The following FRK variants were observed in gnomAD, a reference collection of about 807,000 sequenced individuals.
FRK encodes fyn related Src family tyrosine kinase.
Under a neutral mutation model 56.4 loss-of-function variants are expected in FRK, and 51 were observed. That is an observed-to-expected ratio of 0.90 (90% CI 0.72 to 1.14). The LOEUF is 1.14. FRK is among the 50% of genes most tolerant of loss of function. FRK has a pLI of 0.00. For synonymous variants in FRK, 245 were observed against 217.9 expected, an observed-to-expected ratio of 1.12 and a Z score of -1.10; for missense variants, 570 against 601.4, an observed-to-expected ratio of 0.95 and a Z score of 0.55.
At chr6:116,049,656 T>G (rs975976893) in intron 1 of FRK, among the ~76,000 whole-genome samples, 1 of 152,202 alleles carries the variant, frequency 6.6e-6, no homozygotes, top group African/African-American at 2.4e-5. Flanking sequence ...TTACTTAAAC[T>G]CTTTCAGCTT....
chr6:116,018,148 G>A (rs1775720973), intron 1 of FRK, among the ~76,000 whole-genome samples: 1 of 152,082 alleles, frequency 6.6e-6, no homozygotes, highest in Non-Finnish European at 1.5e-5. Flanking sequence ...CTTTCTCTGT[G>A]CCAGGGATTT....
intron 5 of FRK, among the ~76,000 whole-genome samples, chr6:115,945,815 C>T (rs1772422511): frequency 6.6e-6 from 1 of 152,042 alleles, no homozygotes; most frequent in Non-Finnish European, 1.5e-5. Context: ...CATGCACATA[C>T]CTTCAATAGG....
intron 1 of FRK, among the ~76,000 whole-genome samples, chr6:116,054,405 T>C (rs946875848): frequency 6.2e-5 from 9 of 146,158 alleles, no homozygotes; most frequent in African/African-American, 2.0e-4. Flanking sequence ...GTGTATTTTT[T>C]ATAAATATAG....
chr6:116,029,799 C>G (rs1776233074), intron 1 of FRK, among the ~76,000 whole-genome samples: 1 of 152,052 alleles, frequency 6.6e-6, no homozygotes, highest in Non-Finnish European at 1.5e-5. Flanking sequence ...ATCAGTCACC[C>G]CTTTTCCATC....
chr6:116,079,224 T>A, the FRK span, among the ~76,000 whole-genome samples: 1 of 152,122 alleles, frequency 6.6e-6, no homozygotes. Context: ...CATCTTTGCC[T>A]GACTTGAATT....
At chr6:115,977,899 G>T (rs926906549) in intron 2 of FRK, among the ~76,000 whole-genome samples, 2 of 151,954 alleles carry the variant, frequency 1.3e-5, no homozygotes, top group Non-Finnish European at 2.9e-5. Flanking sequence ...TTATATATCC[G>T]GTATGTAAAG....
At position 116,005,250 on chromosome 6, in the gene FRK, T is replaced by A. The variant is rs1473192140; in HGVS notation, c.345-1252A>T. 2.4e-4 allele frequency among the ~76,000 whole-genome samples: 36 copies of A among 152,140 alleles called. 1 individual carries two copies. The highest frequency in any genetic ancestry group is 2.9e-5 in the Non-Finnish European group (2 of 68,034). ...CAGGATATGCCAGGTCATCTTGGAG[T>A]AATGAACAACTCCAAAAATCTCAGT... On this transcript the variant is annotated intron_variant, in intron 1 of 7. Transcript: ENST00000606080.
intron 1 of FRK, among the ~76,000 whole-genome samples, chr6:116,053,341 T>C (rs1180227123): frequency 2.0e-5 from 3 of 152,164 alleles, no homozygotes; most frequent in Admixed American, 6.5e-5. Context: ...CAAGAATTAA[T>C]TGAGGCAAAG....
At chr6:116,098,417 C>T in the FRK span, among the ~76,000 whole-genome samples, 5 of 152,098 alleles carry the variant, frequency 3.3e-5, no homozygotes, top group Admixed American at 1.3e-4. Flanking sequence ...GGCAGACAGC[C>T]GTGGTTTTGT....
chr6:115,960,142 T>C (rs1773277158), intron 4 of FRK, among the ~76,000 whole-genome samples: 1 of 151,512 alleles, frequency 6.6e-6, no homozygotes, highest in Admixed American at 6.6e-5. Flanking sequence ...ACCGGGTTCA[T>C]CTCACTAGGG....
At chr6:116,002,620 T>A in intron 2 of FRK, 1 of 431,362 alleles carries the variant, frequency 2.3e-6, no homozygotes. Context: ...AACAAAAAAA[T>A]GGTAATTGAC....
At chr6:116,032,861 C>A (rs981954133) in intron 1 of FRK, among the ~76,000 whole-genome samples, 23 of 151,824 alleles carry the variant, frequency 1.5e-4, no homozygotes, top group Admixed American at 1.5e-3. Context: ...TAAAAAAATT[C>A]TTCTTTGCAG....
At chr6:116,006,377 T>C (rs1354151508) in intron 1 of FRK, among the ~76,000 whole-genome samples, 1 of 152,180 alleles carries the variant, frequency 6.6e-6, no homozygotes, top group Non-Finnish European at 1.5e-5. Flanking sequence ...AATGCTAACA[T>C]TATTAGGTAT....
intron 1 of FRK, among the ~76,000 whole-genome samples, chr6:116,025,113 G>T (rs540668642): frequency 2.0e-5 from 3 of 152,100 alleles, no homozygotes; most frequent in Non-Finnish European, 2.9e-5. Flanking sequence ...GCAAAGAATA[G>T]AAAGAATTGC....
At chr6:115,968,787 G>A in intron 2 of FRK, 48 bp from the exon 3 acceptor site, 2 of 1,538,316 alleles carry the variant, frequency 1.3e-6, no homozygotes, top group Non-Finnish European at 1.8e-6. Context: ...CTAAAACCAA[G>A]CAGATTTATT....
At chr6:116,068,115 G>C in the FRK span, among the ~76,000 whole-genome samples, 1 of 152,068 alleles carries the variant, frequency 6.6e-6, no homozygotes, top group Admixed American at 6.5e-5. Flanking sequence ...TGACACTAGG[G>C]GAAATGACAA....
the FRK span, among the ~76,000 whole-genome samples, chr6:116,093,693 C>T: frequency 6.6e-6 from 1 of 152,056 alleles, no homozygotes; most frequent in East Asian, 1.9e-4. Context: ...TCTAGAAGGA[C>T]TAAGGAGAAT....
At chr6:116,088,782 T>C in the FRK span, among the ~76,000 whole-genome samples, 1 of 152,216 alleles carries the variant, frequency 6.6e-6, no homozygotes, top group Non-Finnish European at 1.5e-5. Flanking sequence ...TTTAATATGA[T>C]TAGCTCTCCT....
At chr6:116,039,196 G>A in intron 1 of FRK, 1 of 1,370,836 alleles carries the variant, frequency 7.3e-7, no homozygotes, top group Admixed American at 1.7e-5. Context: ...GAAGAAAGAG[G>A]TCATCGCAGA....
Sources: allele counts gnomAD v4.1 joint callset (sites outside exome capture counted in the v4.1 genomes callset), GRCh38; gene constraint gnomAD v4.1.1; transcripts MANE v1.5; gene names NCBI Gene and HGNC (gene_info 2026-07-23, HGNC 2026-07-21).